The following GOLPH3L variants were observed in gnomAD, a reference collection of about 807,000 sequenced individuals.
GOLPH3L encodes Golgi phosphoprotein 3-like.
A neutral mutation model predicts 30.3 loss-of-function variants in GOLPH3L; 22 were observed. The observed-to-expected ratio is 0.73, with a 90% CI of 0.52 to 1.04. GOLPH3L has a LOEUF of 1.04. Ranked by LOEUF, GOLPH3L falls within the 50% of genes least tolerant of loss-of-function variation. The pLI is 0.00. For synonymous variants in GOLPH3L, 120 were observed against 128.2 expected, an observed-to-expected ratio of 0.94 and a Z score of 0.43; for missense variants, 303 against 345.8, an observed-to-expected ratio of 0.88 and a Z score of 0.98.
At chr1:150,664,146 G>A (rs1315364159) in intron 2 of GOLPH3L, among the ~76,000 whole-genome samples, 1 of 151,908 alleles carries the variant, frequency 6.6e-6, no homozygotes, top group Non-Finnish European at 1.5e-5. Context: ...CTACAGGTAT[G>A]TGCCACCATG....
intron 2 of GOLPH3L, among the ~76,000 whole-genome samples, chr1:150,672,685 C>A (rs1650673672): frequency 6.6e-6 from 1 of 152,156 alleles, no homozygotes; most frequent in South Asian, 2.1e-4. Context: ...CCCACCTCAG[C>A]CTCCCAAAGT....
At chr1:150,657,680 T>C (rs927004674) in intron 4 of GOLPH3L, among the ~76,000 whole-genome samples, 13 of 152,102 alleles carry the variant, frequency 8.5e-5, no homozygotes, top group African/African-American at 3.1e-4. Flanking sequence ...CAGGCTATAC[T>C]AGCCAAGCTC....
At chr1:150,677,981 G>A (rs1368337711) in intron 2 of GOLPH3L, among the ~76,000 whole-genome samples, 1 of 151,146 alleles carries the variant, frequency 6.6e-6, no homozygotes, top group African/African-American at 2.4e-5. Flanking sequence ...GGGTTATCAA[G>A]TAAAAAGGAA....
chr1:150,649,335 CAGA>C (rs1163862991), intron 4 of GOLPH3L, among the ~76,000 whole-genome samples: 1 of 152,190 alleles, frequency 6.6e-6, no homozygotes, highest in African/African-American at 2.4e-5. Flanking sequence ...GGCCCTTGTG[CAGA>C]AGTTCTGCCC....
intron 2 of GOLPH3L, 73 bp downstream of exon 2, chr1:150,694,583 C>T: frequency 3.4e-6 from 3 of 886,098 alleles, no homozygotes; most frequent in Non-Finnish European, 5.2e-6. Flanking sequence ...AAATATATTC[C>T]ATTAGGTTAC....
chr1:150,651,557 G>T (rs1343209428), intron 4 of GOLPH3L, among the ~76,000 whole-genome samples: 1 of 149,228 alleles, frequency 6.7e-6, no homozygotes, highest in African/African-American at 2.5e-5. Flanking sequence ...GCTGAGGCAG[G>T]AGAATCACTT....
chr1:150,660,107 C>T (rs1650335677), intron 4 of GOLPH3L, among the ~76,000 whole-genome samples: 1 of 151,976 alleles, frequency 6.6e-6, no homozygotes. Flanking sequence ...TTTTATATTT[C>T]TCCAAAGAAG....
At chr1:150,653,435 G>A (rs1268084913) in intron 4 of GOLPH3L, among the ~76,000 whole-genome samples, 1 of 146,994 alleles carries the variant, frequency 6.8e-6, no homozygotes, top group Non-Finnish European at 1.5e-5. Flanking sequence ...TAGATTTACT[G>A]GAGAAAGACT....
chr1:150,689,456 G>C (rs1258799663), intron 2 of GOLPH3L, among the ~76,000 whole-genome samples: 7 of 152,176 alleles, frequency 4.6e-5, no homozygotes, highest in Non-Finnish European at 8.8e-5. Context: ...GCAGATTCCT[G>C]ATTTCAACAG....
At chr1:150,686,732 C>G (rs1454645147) in intron 2 of GOLPH3L, among the ~76,000 whole-genome samples, 1 of 152,124 alleles carries the variant, frequency 6.6e-6, no homozygotes, top group Admixed American at 6.5e-5. Flanking sequence ...TTCAAGTGGG[C>G]AGCTTTGTCT....
At chr1:150,672,376 C>A (rs754732193) in intron 2 of GOLPH3L, among the ~76,000 whole-genome samples, 2 of 152,122 alleles carry the variant, frequency 1.3e-5, no homozygotes, top group African/African-American at 2.4e-5. Context: ...TAATGTGATT[C>A]ATCGAAACTC....
In GOLPH3L at chr1:150,671,145, G is replaced by A. The variant is rs587723010; in HGVS notation, c.184-7382C>T. On this transcript the variant is annotated intron_variant, in intron 2 of 4. Coordinates refer to ENST00000271732, the MANE Select transcript of GOLPH3L (RefSeq NM_018178.6). ...TAATCCCAGCTACTCAGGAGGGTGA[G>A]GCAGGAGAATCCTATGAATCCAGGA... is the stretch of plus-strand genomic sequence containing the variant. Among the ~76,000 whole-genome samples, 1,017 of 152,102 alleles carry A rather than the reference G, an allele frequency of 6.7e-3. 5 individuals carry two copies. The highest frequency in any genetic ancestry group is 0.01 in the Non-Finnish European group (694 of 67,994).
intron 4 of GOLPH3L, among the ~76,000 whole-genome samples, chr1:150,656,340 A>G (rs746508826): frequency 2.0e-5 from 3 of 152,182 alleles, no homozygotes; most frequent in Non-Finnish European, 4.4e-5. Context: ...ATGACTTTCA[A>G]AAATTACTAG....
At chr1:150,683,378 T>C (rs1357434036) in intron 2 of GOLPH3L, among the ~76,000 whole-genome samples, 1 of 151,420 alleles carries the variant, frequency 6.6e-6, no homozygotes, top group Non-Finnish European at 1.5e-5. Flanking sequence ...CTACTAAAAA[T>C]ACAAAAAATT....
At position 150,674,346 on chromosome 1, in the gene GOLPH3L, C is replaced by T. The variant is rs587736758; in HGVS notation, c.184-10583G>A. On this transcript the variant is annotated intron_variant, in intron 2 of 4. Coordinates refer to ENST00000271732, the MANE Select transcript of GOLPH3L (RefSeq NM_018178.6). Reference sequence around the variant, plus strand: ...CATGATCTTGGCTCATTGCAACCTCCGCCTCCTGGGCTCAAGCGATTCTCC... The same window carrying T: ...CATGATCTTGGCTCATTGCAACCTCTGCCTCCTGGGCTCAAGCGATTCTCC... 9.9e-5 allele frequency among the ~76,000 whole-genome samples: 15 copies of T among 151,890 alleles called. No individual in the cohort carries two copies. The South Asian group carries it at 1.0e-3, about 11-fold the overall frequency.
At chr1:150,658,961 A>C (rs1453018299) in intron 4 of GOLPH3L, among the ~76,000 whole-genome samples, 1 of 152,242 alleles carries the variant, frequency 6.6e-6, no homozygotes, top group African/African-American at 2.4e-5. Flanking sequence ...AAAAGAACAA[A>C]TATTTAAAGC....
intron 4 of GOLPH3L, among the ~76,000 whole-genome samples, chr1:150,652,492 A>G (rs1030889506): frequency 1.3e-5 from 2 of 151,810 alleles, no homozygotes; most frequent in Non-Finnish European, 2.9e-5. Flanking sequence ...GATCTGAAAG[A>G]GTTCACTGCT....
intron 4 of GOLPH3L, among the ~76,000 whole-genome samples, chr1:150,659,596 T>C (rs1650323746): frequency 6.6e-6 from 1 of 152,300 alleles, no homozygotes; most frequent in Admixed American, 6.5e-5. Context: ...TTCAAGGCTC[T>C]CAGCTCTGAA....
At chr1:150,650,741 G>C (rs1039784569) in intron 4 of GOLPH3L, among the ~76,000 whole-genome samples, 1 of 152,188 alleles carries the variant, frequency 6.6e-6, no homozygotes, top group African/African-American at 2.4e-5. Context: ...ACCTGTCCTG[G>C]TGCCAGAAAA....
Sources: allele counts gnomAD v4.1 joint callset (sites outside exome capture counted in the v4.1 genomes callset), GRCh38; gene constraint gnomAD v4.1.1; transcripts MANE v1.5; gene names NCBI Gene and HGNC (gene_info 2026-07-23, HGNC 2026-07-21).